Variants in MTA1 observed in about 807,000 individuals in gnomAD.
The protein encoded by MTA1 is metastasis-associated protein MTA1.
A neutral mutation model predicts 97.0 loss-of-function variants in MTA1; 15 were observed. The ratio of observed to expected loss-of-function variants is 0.15; its 90% CI spans 0.10 to 0.24. The LOEUF is 0.24. MTA1 is among the 10% of genes least tolerant of loss of function. The probability of loss-of-function intolerance (pLI) is 1.00; values close to 1 mark genes in which losing one functional copy is unlikely to be tolerated. For missense variants in MTA1, 709 were observed against 1,015.1 expected, an observed-to-expected ratio of 0.70 and a Z score of 4.10; for synonymous variants, 435 against 417.5, an observed-to-expected ratio of 1.04 and a Z score of -0.51.
intron 6 of MTA1, 101 bp downstream of exon 6, chr14:105,450,425 C>T: frequency 1.5e-6 from 2 of 1,316,492 alleles, no homozygotes; most frequent in Non-Finnish European, 2.1e-6. Flanking sequence ...GATTTTCCCT[C>T]CTCCCTCTAG....
At chr14:105,427,637 G>A (rs782014253) in intron 1 of MTA1, among the ~76,000 whole-genome samples, 5 of 152,176 alleles carry the variant, frequency 3.3e-5, no homozygotes, top group South Asian at 2.1e-4. Context: ...ACAGAGGTAC[G>A]GTGTTCAGTA....
intron 18 of MTA1, chr14:105,468,234 C>T: frequency 3.4e-6 from 4 of 1,184,202 alleles, no homozygotes; most frequent in Non-Finnish European, 4.5e-6. Context: ...TTTGCCCGTG[C>T]AGCCTGTTGC....
At chr14:105,426,913 T>G (rs868907154) in intron 1 of MTA1, among the ~76,000 whole-genome samples, 3 of 152,196 alleles carry the variant, frequency 2.0e-5, no homozygotes, top group Non-Finnish European at 2.9e-5. Context: ...TTGCTGTTTC[T>G]CTTGACTCTG....
At chr14:105,453,800 A>T (rs587772781) in intron 6 of MTA1, among the ~76,000 whole-genome samples, 1 of 152,370 alleles carries the variant, frequency 6.6e-6, no homozygotes, top group South Asian at 2.1e-4. Flanking sequence ...GACAAGAGCG[A>T]AACTCTGCCT....
At chr14:105,427,885 G>A (rs1412859711) in intron 1 of MTA1, among the ~76,000 whole-genome samples, 1 of 151,684 alleles carries the variant, frequency 6.6e-6, no homozygotes, top group African/African-American at 2.4e-5. Flanking sequence ...AGGCGTGGTG[G>A]TGCGTGCCTG....
At position 105,466,640 on chromosome 14, in the gene MTA1, C is replaced by A; in HGVS notation, c.1777+62C>A. ...CCGCCCGGTGAGTCCGGCCCGTCCC[C>A]GCCCGGGCACCCGCCGTGCGTGCTG... is the stretch of plus-strand genomic sequence containing the variant. On this transcript the variant is annotated intron_variant, in intron 17 of 20. Coordinates refer to ENST00000331320, the MANE Select transcript of MTA1 (RefSeq NM_004689.4). 8.2e-6 allele frequency: 13 copies of A among 1,581,404 alleles called. No homozygotes were observed. The South Asian group carries it at 1.5e-4, about 18-fold the overall frequency.
chr14:105,441,759 A>C (rs587678677), intron 2 of MTA1, among the ~76,000 whole-genome samples: 1 of 152,104 alleles, frequency 6.6e-6, no homozygotes, highest in Non-Finnish European at 1.5e-5. Flanking sequence ...CCGCCACTAC[A>C]CTCCAGCCTG....
Position 105,463,972 on chromosome 14 carries a change from C to G in MTA1, c.1077-60C>G, listed in dbSNP as rs2083461402. 6.4e-7 allele frequency: 1 copy of G among 1,551,348 alleles called. No homozygotes were observed. Among genetic ancestry groups the G allele is most frequent in the East Asian group, 2.3e-5 (1 of 44,440 alleles). On this transcript the variant is annotated intron_variant, in intron 12 of 20. Transcript: ENST00000331320. The surrounding 1 kb of genome is among the most constrained non-coding windows in gnomAD (Gnocchi z 5.9). ...GGTCAGCCGCGGTGCCTGCTGGGCACATGGGCCCTCGAGGTTTGTGCTCCT... is the reference window on the plus strand; with the variant it reads ...GGTCAGCCGCGGTGCCTGCTGGGCAGATGGGCCCTCGAGGTTTGTGCTCCT...
chr14:105,458,191 C>T, intron 7 of MTA1, 79 bp from the exon 8 acceptor site: 2 of 1,249,294 alleles, frequency 1.6e-6, no homozygotes, highest in Non-Finnish European at 2.3e-6. Context: ...CCCAGCAGCT[C>T]CCCGCACCCG....
Position 105,464,026 on chromosome 14 carries a change from T to C in MTA1, c.1077-6T>C. The C allele has an allele frequency of 6.2e-7, 1 of 1,612,350 alleles. No individual in the cohort carries two copies. Among genetic ancestry groups the C allele is most frequent in the South Asian group, 1.1e-5 (1 of 91,022 alleles). Reference sequence around the variant, plus strand: ...ACTCCTCTCGTCTCTCCTTTCCCTCTTTAAGTAACAAGCCAAATCCGAACC... The same window carrying C: ...ACTCCTCTCGTCTCTCCTTTCCCTCCTTAAGTAACAAGCCAAATCCGAACC... On this transcript the variant is annotated splice_region_variant and splice_polypyrimidine_tract_variant and intron_variant, in intron 12 of 20. Coordinates refer to ENST00000331320, the MANE Select transcript of MTA1 (RefSeq NM_004689.4).
intron 18 of MTA1, among the ~76,000 whole-genome samples, chr14:105,468,648 C>T (rs2083697814): frequency 2.0e-5 from 3 of 152,188 alleles, no homozygotes; most frequent in Admixed American, 6.5e-5. Flanking sequence ...GTTTCTGGAG[C>T]TGGCAGGTTG....
intron 1 of MTA1, among the ~76,000 whole-genome samples, chr14:105,429,752 CTT>C (rs59028638): frequency 5.9e-5 from 3 of 50,570 alleles, no homozygotes; most frequent in Non-Finnish European, 9.7e-5. Context: ...TGCGCCCGGC[CTT>C]TTTTTTTTTT....
intron 1 of MTA1, among the ~76,000 whole-genome samples, chr14:105,438,237 G>A (rs2082391308): frequency 6.6e-6 from 1 of 152,146 alleles, no homozygotes. Context: ...TGGCTCTGGG[G>A]GTGTAGCATC....
chr14:105,445,620 A>G, intron 3 of MTA1, 109 bp downstream of exon 3: 1 of 1,108,386 alleles, frequency 9.0e-7, no homozygotes, highest in Non-Finnish European at 1.3e-6. Flanking sequence ...TCGTGGGGCC[A>G]CCCTCTGCCC....
chr14:105,438,639 C>A, intron 1 of MTA1, 33 bp from the exon 2 acceptor site: 1 of 1,609,088 alleles, frequency 6.2e-7, no homozygotes, highest in Non-Finnish European at 8.5e-7. Flanking sequence ...CCTTTGGTGC[C>A]ACAGGTGGCA....
At chr14:105,455,371 C>T (rs1001337787) in intron 7 of MTA1, among the ~76,000 whole-genome samples, 1 of 152,222 alleles carries the variant, frequency 6.6e-6, no homozygotes, top group Non-Finnish European at 1.5e-5. Flanking sequence ...CCACCGGGTG[C>T]TTCGGTAGCC....
intron 2 of MTA1, 26 bp downstream of exon 2, chr14:105,438,765 C>A: frequency 6.2e-7 from 1 of 1,610,682 alleles, no homozygotes; most frequent in Non-Finnish European, 8.5e-7. Flanking sequence ...GGTGTTGCTG[C>A]AGGGGGGTAG....
chr14:105,429,787 C>T (rs1188385387), intron 1 of MTA1, among the ~76,000 whole-genome samples: 27 of 86,876 alleles, frequency 3.1e-4, no homozygotes, highest in South Asian at 4.3e-4. Context: ...GACCAAGTCT[C>T]GCTCTGTCAT....
intron 3 of MTA1, 119 bp downstream of exon 3, chr14:105,445,630 C>A: frequency 2.0e-6 from 2 of 1,009,202 alleles, no homozygotes; most frequent in Non-Finnish European, 3.1e-6. Flanking sequence ...ACCCTCTGCC[C>A]AACTCACTCT....
Sources: gnomAD v4.1 joint callset for allele counts (sites outside exome capture counted in the v4.1 genomes callset) on GRCh38, gnomAD v4.1.1 for gene constraint, Gnocchi (gnomAD v3.1) non-coding constraint, MANE v1.5 for transcripts, NCBI Gene and HGNC (gene_info 2026-07-23, HGNC 2026-07-21) for gene names.